Variants in WDR35 observed in about 807,000 individuals in gnomAD.
WDR35 encodes WD repeat domain 35, also known as WD repeat-containing protein 35.
In WDR35, 118 loss-of-function variants were observed where a neutral mutation model predicts 158.3. The observed-to-expected ratio is 0.75, with a 90% confidence interval of 0.64 to 0.87. The LOEUF (loss-of-function observed/expected upper bound fraction) is 0.87, where lower values mean the gene tolerates loss of function less well. Among genes scored for constraint, WDR35 ranks in the 40% least tolerant of loss-of-function variants. WDR35 has a pLI of 0.00. For missense variants in WDR35, 1,263 were observed against 1,405.8 expected (o/e 0.90, Z 1.62); for synonymous variants, 448 against 476.1 (o/e 0.94, Z 0.77).
chr2:19,913,562 C>G lies in WDR35; in HGVS notation c.3509G>C (p.Gly1170Ala). ...SFCPLCHSPV[G>A] Reference sequence around the variant, plus strand: ...TATATACAGTTTATCATTCCTTTATCCCACTGGACTATGGCATAAGGGGCA... The same window carrying G: ...TATATACAGTTTATCATTCCTTTATGCCACTGGACTATGGCATAAGGGGCA... Residue 1170 changes from glycine (G) to alanine (A), a missense_variant, in exon 27 of 27, where the codon GGA becomes GCA. Coordinates refer to ENST00000281405, the MANE Select transcript of WDR35 (RefSeq NM_020779.4). 6.2e-7 allele frequency: 1 copy of G among 1,613,930 alleles called. No homozygotes were observed. Among genetic ancestry groups the G allele is most frequent in the African/African-American group, 1.3e-5 (1 of 74,984 alleles).
chr2:19,949,473 C>T (rs909470252), intron 13 of WDR35, among the ~76,000 whole-genome samples: 2 of 152,076 alleles, frequency 1.3e-5, no homozygotes, highest in Non-Finnish European at 2.9e-5. Context: ...AGTAGAGAGG[C>T]GATTCTGTAC....
Position 19,959,369 on chromosome 2 carries a change from C to G in WDR35, c.1255+1185G>C, listed in dbSNP as rs144245463. Among the ~76,000 whole-genome samples, 3 of 152,078 alleles carry G rather than the reference C, an allele frequency of 2.0e-5. No homozygotes were observed. The East Asian group carries it at 5.8e-4, about 29-fold the overall frequency. Reference sequence around the variant, plus strand: ...ATCTGAAGACTGACAAAATTTACCTCTTAAAGACTGTTAATGCTTCTAATA... The same window carrying G: ...ATCTGAAGACTGACAAAATTTACCTGTTAAAGACTGTTAATGCTTCTAATA... On this transcript the variant is annotated intron_variant, in intron 11 of 26. Transcript: ENST00000281405.
chr2:19,924,035 C>T (rs1670272301), intron 25 of WDR35, among the ~76,000 whole-genome samples: 1 of 152,144 alleles, frequency 6.6e-6, no homozygotes, highest in Admixed American at 6.5e-5. Context: ...AACGCCCAGG[C>T]CCAGCCTCAA....
intron 12 of WDR35, chr2:19,951,765 G>T: frequency 3.7e-6 from 1 of 273,410 alleles, no homozygotes; most frequent in Non-Finnish European, 6.9e-6. Flanking sequence ...AGCCCAGAGA[G>T]ACATTTTACC....
intron 4 of WDR35, among the ~76,000 whole-genome samples, chr2:19,979,822 A>G (rs965295207): frequency 8.2e-5 from 12 of 146,658 alleles, no homozygotes; most frequent in African/African-American, 2.7e-4. Context: ...AAAAAATTAA[A>G]GTATTATAGC....
At position 19,974,649 on chromosome 2, in the gene WDR35, TAG is replaced by T. The variant is rs1558356375; in HGVS notation, c.571-18_571-17del. The T allele has an allele frequency of 6.2e-7, 1 of 1,608,784 alleles. No homozygotes were observed. Among genetic ancestry groups the T allele is most frequent in the Non-Finnish European group, 8.5e-7 (1 of 1,176,520 alleles). ...TCATTTTTATCTAAATAAAATTGGT[TAG>T]GTTTAATATTTTACATTTTAAAACA... On this transcript the variant is annotated splice_polypyrimidine_tract_variant and intron_variant, in intron 6 of 26. Coordinates refer to ENST00000281405, the MANE Select transcript of WDR35 (RefSeq NM_020779.4).
rs2103426439 is a variant in WDR35, at chr2:19,953,833, C to A, written c.1400+1G>T. The A allele has an allele frequency of 1.2e-6, 2 of 1,613,996 alleles. No homozygotes were observed. Among genetic ancestry groups the A allele is most frequent in the Non-Finnish European group, 1.7e-6 (2 of 1,179,982 alleles). On this transcript the variant is annotated splice_donor_variant, in intron 12 of 26. Transcript: ENST00000281405. LOFTEE classifies it high-confidence loss of function. ...TAAAAAGTATGTATCAAAAGATATACCTTTCTCTCCCTTCTTTTCGAGACC... is the reference window on the plus strand; with the variant it reads ...TAAAAAGTATGTATCAAAAGATATAACTTTCTCTCCCTTCTTTTCGAGACC...
chr2:19,929,827 A>C (rs1347197154), intron 25 of WDR35, among the ~76,000 whole-genome samples: 6 of 152,128 alleles, frequency 3.9e-5, no homozygotes. Flanking sequence ...ACAAATTGTT[A>C]GATTATTTTA....
chr2:19,979,408 C>T (rs1244415055), intron 4 of WDR35, among the ~76,000 whole-genome samples: 2 of 152,048 alleles, frequency 1.3e-5, no homozygotes, highest in East Asian at 3.9e-4. Context: ...TTAGGTAAAA[C>T]CCTAAGCCTG....
chr2:19,925,354 A>C (rs1670325646), intron 25 of WDR35, among the ~76,000 whole-genome samples: 1 of 152,218 alleles, frequency 6.6e-6, no homozygotes, highest in Non-Finnish European at 1.5e-5. Flanking sequence ...ATATGTGGGA[A>C]TGGGGAAAAG....
At chr2:19,929,135 A>T (rs915209827) in intron 25 of WDR35, among the ~76,000 whole-genome samples, 1 of 152,242 alleles carries the variant, frequency 6.6e-6, no homozygotes, top group Non-Finnish European at 1.5e-5. Flanking sequence ...CTTTCTTTAC[A>T]CAAAGAGAAA....
chr2:19,953,322 A>G (rs1572343476), intron 12 of WDR35, among the ~76,000 whole-genome samples: 1 of 152,202 alleles, frequency 6.6e-6, no homozygotes, highest in Non-Finnish European at 1.5e-5. Context: ...TACTAGAAGT[A>G]ATTCCAACTC....
chr2:19,966,724 C>A lies in WDR35; in HGVS notation c.1194G>T (p.Gln398His). ...TCTTAAGATATCAAGAAACACCTAC[C>A]TGAGGATGATTTTCATCAGCTTTTG... Reference protein sequence around the residue: ...LATKADENHPQFVLVLCNSIG... With the variant: ...LATKADENHPHFVLVLCNSIG... Residue 398 changes from glutamine (Q) to histidine (H), a missense_variant and splice_region_variant, in exon 10 of 27, where the codon CAG (glutamine) becomes CAT (histidine). Physicochemically the swap from Gln to His is conservative, Grantham distance 24. Transcript: ENST00000281405. 6.2e-7 allele frequency: 1 copy of A among 1,613,602 alleles called. No individual in the cohort carries two copies. Among genetic ancestry groups the A allele is most frequent in the South Asian group, 1.1e-5 (1 of 91,024 alleles).
chr2:19,964,696 G>A (rs1035326358), intron 10 of WDR35, among the ~76,000 whole-genome samples: 3 of 151,826 alleles, frequency 2.0e-5, no homozygotes, highest in East Asian at 1.9e-4. Flanking sequence ...TAAGCTTCCC[G>A]GACTGGTCCT....
chr2:19,962,215 T>C, intron 10 of WDR35: 3 of 1,491,344 alleles, frequency 2.0e-6, no homozygotes, highest in South Asian at 1.2e-5. Flanking sequence ...CTCATATTGC[T>C]ACAGTTTCTG....
chr2:19,950,828 T>C (rs960253574), intron 13 of WDR35, among the ~76,000 whole-genome samples: 1 of 145,758 alleles, frequency 6.9e-6, no homozygotes, highest in Non-Finnish European at 1.6e-5. Context: ...AGTGAACTTC[T>C]CTAACAGTTT....
At chr2:19,942,278 T>A (rs1670904815) in intron 16 of WDR35, among the ~76,000 whole-genome samples, 1 of 152,198 alleles carries the variant, frequency 6.6e-6, no homozygotes, top group Non-Finnish European at 1.5e-5. Flanking sequence ...TTCATAAAGC[T>A]GATAAACACT....
chr2:19,969,406 G>C, intron 9 of WDR35, 74 bp downstream of exon 9: 1 of 1,492,924 alleles, frequency 6.7e-7, no homozygotes, highest in South Asian at 1.2e-5. Context: ...AGACAGCTTT[G>C]AATATACTTT....
intron 11 of WDR35, among the ~76,000 whole-genome samples, chr2:19,957,236 G>T (rs914319877): frequency 6.6e-6 from 1 of 152,080 alleles, no homozygotes; most frequent in African/African-American, 2.4e-5. Context: ...ACCTACATAG[G>T]ATTTTATAAT....
Sources: allele counts gnomAD v4.1 joint callset (sites outside exome capture counted in the v4.1 genomes callset), GRCh38; gene constraint gnomAD v4.1.1; transcripts MANE v1.5; gene names NCBI Gene and HGNC (gene_info 2026-07-23, HGNC 2026-07-21).